CNTN4: variants seen among roughly 807,000 people sequenced by gnomAD.
The protein encoded by CNTN4 is contactin 4.
In CNTN4, 77 loss-of-function variants were observed where a neutral mutation model predicts 122.5. That is an observed-to-expected ratio of 0.63 (90% CI 0.52 to 0.76). The LOEUF (loss-of-function observed/expected upper bound fraction) is 0.76, where lower values mean the gene tolerates loss of function less well. Ranked by LOEUF, CNTN4 falls within the 30% of genes least tolerant of loss-of-function variation. CNTN4 has a pLI of 0.00. For missense variants in CNTN4, 1,256 were observed against 1,259.1 expected, an observed-to-expected ratio of 1.00 and a Z score of 0.04; for synonymous variants, 512 against 447.0, an observed-to-expected ratio of 1.15 and a Z score of -1.83.
intron 2 of CNTN4, among the ~76,000 whole-genome samples, chr3:2,159,043 G>A (rs935610858): frequency 6.7e-6 from 1 of 148,558 alleles, no homozygotes; most frequent in African/African-American, 2.4e-5. Context: ...GAGGCAGCGA[G>A]TGGGAGAAAA....
At chr3:2,815,224 C>G (rs2150184993) in intron 6 of CNTN4, among the ~76,000 whole-genome samples, 1 of 152,228 alleles carries the variant, frequency 6.6e-6, no homozygotes, top group East Asian at 1.9e-4. Context: ...GCAATAAAAG[C>G]AAAGATAAAT....
intron 4 of CNTN4, among the ~76,000 whole-genome samples, chr3:2,727,641 A>G (rs2088327859): frequency 6.6e-6 from 1 of 152,174 alleles, no homozygotes; most frequent in Admixed American, 6.5e-5. Context: ...AGCTCCCAGC[A>G]CTTCCCCGTC....
chr3:2,389,282 ATGTTGTT>A, intron 3 of CNTN4, among the ~76,000 whole-genome samples: 1 of 108,178 alleles, frequency 9.2e-6, no homozygotes, highest in South Asian at 2.9e-4. Flanking sequence ...CCTTCTCATT[ATGTTGTT>A]CTCGGAGAAA....
rs1454711547 is a variant in CNTN4 at position 2,385,993 on chromosome 3, C to T, written c.-89+46760C>T. Reference sequence around the variant, plus strand: ...TATGTTCAGAAGAGAGGTTATCACCCCACCTTCATTTTATAGGAATTACGT... The same window carrying T: ...TATGTTCAGAAGAGAGGTTATCACCTCACCTTCATTTTATAGGAATTACGT... On this transcript the variant is annotated intron_variant, in intron 3 of 24. Coordinates refer to ENST00000418658, the MANE Select transcript of CNTN4 (RefSeq NM_175607.3). The surrounding 1 kb of genome is among the most constrained non-coding windows in gnomAD (Gnocchi z 4.0). 6.6e-6 allele frequency among the ~76,000 whole-genome samples: 1 copy of T among 152,038 alleles called. No individual in the cohort carries two copies. Among genetic ancestry groups the T allele is most frequent in the African/African-American group, 2.4e-5 (1 of 41,428 alleles).
chr3:2,840,388 C>T (rs1045487894), intron 7 of CNTN4, among the ~76,000 whole-genome samples: 6 of 151,966 alleles, frequency 3.9e-5, no homozygotes, highest in Admixed American at 2.0e-4. Context: ...TCTCCTCCTC[C>T]TCCACCTTCT....
intron 6 of CNTN4, 113 bp from the exon 7 acceptor site, chr3:2,819,373 G>T (rs1421984724): frequency 2.5e-6 from 2 of 789,506 alleles, no homozygotes; most frequent in African/African-American, 1.7e-5. Flanking sequence ...CCCGGTATGG[G>T]TGCTACCAAC....
intron 2 of CNTN4, among the ~76,000 whole-genome samples, chr3:2,120,374 A>AATATATATATATATATATATAT (rs1185851358): frequency 1.7e-5 from 1 of 59,092 alleles, no homozygotes; most frequent in Non-Finnish European, 3.2e-5. Context: ...TATATATATA[A>AATATATATATATATATATATAT]ATATATATAT....
intron 2 of CNTN4, among the ~76,000 whole-genome samples, chr3:2,193,781 C>A (rs186913926): frequency 6.6e-6 from 1 of 152,124 alleles, no homozygotes; most frequent in Non-Finnish European, 1.5e-5. Context: ...ATCTTTTCTA[C>A]GTTTAAATTT....
chr3:2,291,357 C>T (rs1371484045), intron 2 of CNTN4, among the ~76,000 whole-genome samples: 1 of 152,086 alleles, frequency 6.6e-6, no homozygotes, highest in East Asian at 1.9e-4. Context: ...GAATTTATCT[C>T]CAAATTTTCA....
At chr3:2,203,095 A>G (rs988146368) in intron 2 of CNTN4, among the ~76,000 whole-genome samples, 4 of 151,976 alleles carry the variant, frequency 2.6e-5, no homozygotes, top group Non-Finnish European at 4.4e-5. Context: ...CAGCCTCCGA[A>G]AGTGCTGGGA....
intron 6 of CNTN4, among the ~76,000 whole-genome samples, chr3:2,814,101 A>C (rs1002594481): frequency 6.6e-6 from 1 of 152,226 alleles, no homozygotes; most frequent in Non-Finnish European, 1.5e-5. Flanking sequence ...TATGATATGA[A>C]AACACATCTG....
intron 3 of CNTN4, among the ~76,000 whole-genome samples, chr3:2,509,154 TCTC>T (rs1232297018): frequency 6.6e-6 from 1 of 152,216 alleles, no homozygotes; most frequent in Non-Finnish European, 1.5e-5. Flanking sequence ...TATTTTAATT[TCTC>T]CTCTCTTCAT....
chr3:2,582,238 T>C (rs1447046268), intron 4 of CNTN4, among the ~76,000 whole-genome samples: 2 of 152,152 alleles, frequency 1.3e-5, no homozygotes, highest in Non-Finnish European at 2.9e-5. Flanking sequence ...TGTCAGGAAG[T>C]TAGAGTTGCT....
intron 4 of CNTN4, chr3:2,629,404 T>G (rs570414292): frequency 5.6e-5 from 19 of 341,118 alleles, no homozygotes; most frequent in Admixed American, 3.4e-4. Flanking sequence ...ATGCAGCATC[T>G]AATTTTAAAA....
At chr3:2,859,964 G>T (rs1394757625) in intron 7 of CNTN4, among the ~76,000 whole-genome samples, 1 of 152,120 alleles carries the variant, frequency 6.6e-6, no homozygotes, top group Admixed American at 6.6e-5. Context: ...ACATATTCAA[G>T]AGCCATATAC....
At chr3:2,459,286 G>C (rs1331397145) in intron 3 of CNTN4, among the ~76,000 whole-genome samples, 2 of 152,032 alleles carry the variant, frequency 1.3e-5, no homozygotes, top group Admixed American at 1.3e-4. Context: ...CTAATTTTAT[G>C]AGTTGTATGC....
At chr3:2,513,498 C>A (rs2076950006) in intron 3 of CNTN4, among the ~76,000 whole-genome samples, 1 of 150,366 alleles carries the variant, frequency 6.7e-6, no homozygotes, top group Non-Finnish European at 1.5e-5. Flanking sequence ...GTTTCGATTT[C>A]TTTTTTTTTC....
At chr3:2,120,042 A>C (rs2033616569) in intron 2 of CNTN4, among the ~76,000 whole-genome samples, 1 of 152,026 alleles carries the variant, frequency 6.6e-6, no homozygotes, top group Non-Finnish European at 1.5e-5. Flanking sequence ...TAACCAGGGA[A>C]GAAAGTTCCA....
At chr3:3,055,066 G>A (rs1701660817) in intron 24 of CNTN4, among the ~76,000 whole-genome samples, 1 of 152,180 alleles carries the variant, frequency 6.6e-6, no homozygotes, top group African/African-American at 2.4e-5. Flanking sequence ...GGGGTGATAT[G>A]CCAGTGTTTC....
Sources: allele counts gnomAD v4.1 joint callset (sites outside exome capture counted in the v4.1 genomes callset), GRCh38; gene constraint gnomAD v4.1.1; non-coding constraint Gnocchi (gnomAD v3.1); transcripts MANE v1.5; gene names NCBI Gene and HGNC (gene_info 2026-07-23, HGNC 2026-07-21).